Variants in BRAF observed in about 807,000 individuals in gnomAD.
The protein encoded by BRAF is serine/threonine-protein kinase B-raf.
BRAF carries 16 observed loss-of-function variants against 104.6 expected under a neutral mutation model. The observed-to-expected ratio is 0.15, with a 90% CI of 0.10 to 0.23. The LOEUF (loss-of-function observed/expected upper bound fraction) is 0.23, where lower values mean the gene tolerates loss of function less well. Ranked by LOEUF, BRAF falls within the 10% of genes least tolerant of loss-of-function variation. The probability of loss-of-function intolerance (pLI) is 1.00; values close to 1 mark genes in which losing one functional copy is unlikely to be tolerated. For synonymous variants in BRAF, 310 were observed against 341.6 expected, an observed-to-expected ratio of 0.91 and a Z score of 1.02; for missense variants, 541 against 937.3, an observed-to-expected ratio of 0.58 and a Z score of 5.52.
In BRAF at chr7:140,800,437, T is replaced by C; in HGVS notation, c.905A>G (p.Gln302Arg). Residue 302 changes from glutamine (Q) to arginine (R), a missense_variant, in exon 7 of 20, where the codon CAG (glutamine) becomes CGG (arginine). Gln to Arg is a conservative substitution (Grantham distance 43). Transcript: ENST00000644969. ...AGTCTCTGCTAAGGACGCCTCTTCC[T>C]GTGGTATTGGGTGGTGTTCAAAGAA... is the stretch of plus-strand genomic sequence containing the variant. ...SKFFEHHPIP[Q>R]EEASLAETAL... is the part of the protein sequence containing the mutation. The C allele has an allele frequency of 6.2e-7, 1 of 1,614,164 alleles. No individual in the cohort carries two copies. The highest frequency in any genetic ancestry group is 8.5e-7 in the Non-Finnish European group (1 of 1,180,028).
At chr7:140,751,474 A>G (rs1288091943) in intron 16 of BRAF, among the ~76,000 whole-genome samples, 2 of 152,186 alleles carry the variant, frequency 1.3e-5, no homozygotes, top group Non-Finnish European at 2.9e-5. Flanking sequence ...TAATTTTTCT[A>G]TCACTTATAA....
At chr7:140,789,162 T>C (rs974930246) in intron 8 of BRAF, among the ~76,000 whole-genome samples, 6 of 151,780 alleles carry the variant, frequency 4.0e-5, no homozygotes, top group South Asian at 2.1e-4. Context: ...TGAGCTGAGA[T>C]TGCACCACTG....
chr7:140,812,002 C>T (rs1463717540), intron 3 of BRAF, among the ~76,000 whole-genome samples: 3 of 152,080 alleles, frequency 2.0e-5, no homozygotes, highest in Admixed American at 6.5e-5. Flanking sequence ...GACTGGTGAC[C>T]GATCTTTAGT....
chr7:140,773,819 T>G (rs984831468), intron 14 of BRAF, among the ~76,000 whole-genome samples: 4 of 152,236 alleles, frequency 2.6e-5, no homozygotes, highest in Admixed American at 2.0e-4. Flanking sequence ...TTTAGCCTTT[T>G]GGGGTCTAAG....
chr7:140,891,179 G>A (rs934455345), intron 1 of BRAF, among the ~76,000 whole-genome samples: 13 of 152,060 alleles, frequency 8.5e-5, no homozygotes, highest in African/African-American at 3.1e-4. Context: ...TGGGGTAGAG[G>A]GGAAAACAAA....
At chr7:140,851,930 C>A (rs904354298) in intron 1 of BRAF, among the ~76,000 whole-genome samples, 2 of 152,134 alleles carry the variant, frequency 1.3e-5, no homozygotes, top group African/African-American at 4.8e-5. Flanking sequence ...TATAGATAGT[C>A]TTTATTCTGG....
chr7:140,753,424 G>C (rs764938764), intron 15 of BRAF, 31 bp from the exon 15 acceptor site: 1 of 1,391,008 alleles, frequency 7.2e-7, no homozygotes, highest in Non-Finnish European at 1.0e-6. Context: ...GAAAACAGTA[G>C]ATCTCATTTT....
rs564140839 is a variant in BRAF at position 140,884,974 on chromosome 7, T to TTTTA, written c.139-34766_139-34763dup. ...TGAGAGGGCAAAGTGTCTTATTCAT[T>TTTTA]TTTATTTATTTATTTATTTGTTTGT... On this transcript the variant is annotated intron_variant, in intron 1 of 19. Coordinates refer to ENST00000644969, the MANE Select transcript of BRAF (RefSeq NM_001374258.1). Among the ~76,000 whole-genome samples the TTTTA allele has an allele frequency of 9.6e-4, 145 of 151,744 alleles. 1 individual carries two copies. The highest frequency in any genetic ancestry group is 3.4e-3 in the African/African-American group (140 of 41,134).
chr7:140,924,243 A>G lies in BRAF; in HGVS notation c.138+323T>C, dbSNP rs775465389. ...CCACCCCACAGAGATGCAGAGCTGG[A>G]TACTTCAGCCAATCGTGACCTTCTC... On this transcript the variant is annotated intron_variant, in intron 1 of 19. Coordinates refer to ENST00000644969, the MANE Select transcript of BRAF (RefSeq NM_001374258.1). The surrounding 1 kb of genome is among the most constrained non-coding windows in gnomAD (Gnocchi z 4.2). Among the ~76,000 whole-genome samples, 3 of 151,846 alleles carry G rather than the reference A, an allele frequency of 2.0e-5. No homozygotes were observed. Among genetic ancestry groups the G allele is most frequent in the Non-Finnish European group, 4.4e-5 (3 of 67,932 alleles).
intron 2 of BRAF, among the ~76,000 whole-genome samples, chr7:140,838,198 C>T (rs1287032104): frequency 6.6e-6 from 1 of 152,198 alleles, no homozygotes; most frequent in African/African-American, 2.4e-5. Flanking sequence ...TAATTCTAAG[C>T]TCTCTTTGTC....
chr7:140,805,423 A>G (rs1328652748), intron 5 of BRAF, among the ~76,000 whole-genome samples: 1 of 152,220 alleles, frequency 6.6e-6, no homozygotes, highest in Non-Finnish European at 1.5e-5. Context: ...AAACAGCTGA[A>G]GGAAAGAAAA....
rs998233805 is a variant in BRAF, at chr7:140,783,025, C to T, written c.1430G>A (p.Arg477Gln). 6.2e-7 allele frequency: 1 copy of T among 1,613,536 alleles called. No individual in the cohort carries two copies. The highest frequency in any genetic ancestry group is 1.7e-5 in the Admixed American group (1 of 60,004). The change falls in exon 11 of 20, where the codon CGA becomes CAA. Residue 477 changes from arginine (R) to glutamine (Q), a missense_variant. Around this residue, in one of 10 missense-constraint regions of BRAF, gnomAD observed 109 missense variants for 143.9 expected, o/e 0.76. Transcript: ENST00000644969. ...KSSSSSEDRN[R>Q]MKTLGRRDSS... Reference sequence around the variant, plus strand: ...AAAGATATCATATACTCTTACCATTCGATTCCTGTCTTCTGAGGATGAAGA... The same window carrying T: ...AAAGATATCATATACTCTTACCATTTGATTCCTGTCTTCTGAGGATGAAGA...
In BRAF at chr7:140,721,258, T is replaced by C. The variant is rs1795310807; in HGVS notation, c.*5236A>G. 4.5e-6 allele frequency: 5 copies of C among 1,117,430 alleles called. No individual in the cohort carries two copies. The highest frequency in any genetic ancestry group is 4.4e-5 in the East Asian group (1 of 22,904). The allele number at this position is 1,117,430 out of a possible 1,614,324, so 69.2% of individuals were successfully genotyped here. A position where few individuals can be genotyped will look rare whatever the true frequency, so the allele number is the denominator to read the frequency against. ...TTGTGGATGTTAAATAAAAGTACTT[T>C]AGTCACTCATTGAGTTGCCGACTAA... On this transcript the variant is annotated 3_prime_UTR_variant, in exon 20 of 20. Transcript: ENST00000644969.
At chr7:140,769,180 G>A (rs780234837) in intron 14 of BRAF, among the ~76,000 whole-genome samples, 1 of 151,626 alleles carries the variant, frequency 6.6e-6, no homozygotes, top group Non-Finnish European at 1.5e-5. Flanking sequence ...GGGTTCAAGC[G>A]ATTCTGTTGC....
intron 1 of BRAF, among the ~76,000 whole-genome samples, chr7:140,862,549 C>T (rs887421702): frequency 6.6e-5 from 10 of 152,178 alleles, no homozygotes; most frequent in African/African-American, 2.4e-4. Context: ...AGACTCATAT[C>T]TACATAAATC....
At chr7:140,886,101 T>C (rs980697262) in intron 1 of BRAF, among the ~76,000 whole-genome samples, 2 of 152,200 alleles carry the variant, frequency 1.3e-5, no homozygotes, top group Non-Finnish European at 2.9e-5. Context: ...ACACCACCCT[T>C]TATTAGATGG....
intron 16 of BRAF, among the ~76,000 whole-genome samples, chr7:140,752,525 C>G (rs1420882219): frequency 6.6e-6 from 1 of 152,236 alleles, no homozygotes; most frequent in African/African-American, 2.4e-5. Context: ...GGGAATGATT[C>G]ATATGACTGA....
At chr7:140,749,027 A>G in intron 17 of BRAF, 1 of 434,836 alleles carries the variant, frequency 2.3e-6, no homozygotes, top group Non-Finnish European at 4.2e-6. Flanking sequence ...ATGGTCAAGA[A>G]ATATCCATTC....
Position 140,770,643 on chromosome 7 carries a change from A to T in BRAF, c.1814+6269T>A, listed in dbSNP as rs182936910. 3.3e-5 allele frequency among the ~76,000 whole-genome samples: 5 copies of T among 152,122 alleles called. No individual in the cohort carries two copies. In the East Asian group the frequency reaches 9.7e-4, roughly 29 times the overall value. ...GAATCAATGACTGGCAGGTGAAAAG[A>T]TGATAAAACAGGCCAGGTGCAGTGA... On this transcript the variant is annotated intron_variant, in intron 14 of 19. Transcript: ENST00000644969.
Sources: allele counts gnomAD v4.1 joint callset (sites outside exome capture counted in the v4.1 genomes callset), GRCh38; gene constraint gnomAD v4.1.1; regional missense constraint gnomAD v4.1.1; non-coding constraint Gnocchi (gnomAD v3.1); transcripts MANE v1.5; gene names NCBI Gene and HGNC (gene_info 2026-07-23, HGNC 2026-07-21).